The following TEKTIP1 variants were observed in gnomAD, a reference collection of about 807,000 sequenced individuals.
TEKTIP1 encodes the protein tektin bundle interacting protein 1.
At chr19:3,543,493 C>T in the TEKTIP1 span, 1 of 1,520,858 alleles carries the variant, frequency 6.6e-7, no homozygotes, top group South Asian at 1.2e-5. Flanking sequence ...CCCCCCCCCG[C>T]CCTGGGCAGC....
At chr19:3,543,881 C>A in the TEKTIP1 span, 1 of 1,550,494 alleles carries the variant, frequency 6.4e-7, no homozygotes, top group South Asian at 1.2e-5. Context: ...CATCAGACTA[C>A]GTGCCCTCCC....
At chr19:3,539,281 G>C in the TEKTIP1 span, 13 of 1,511,244 alleles carry the variant, frequency 8.6e-6, no homozygotes, top group African/African-American at 1.1e-4. Context: ...CCCTACAGGT[G>C]AGCCCCTCCC....
chr19:3,539,377 G>C, the TEKTIP1 span: 1 of 648,834 alleles, frequency 1.5e-6, no homozygotes, highest in African/African-American at 1.9e-5. Flanking sequence ...ATTCCTAAAA[G>C]GCTCATGTGT....
the TEKTIP1 span, chr19:3,539,299 C>T: frequency 1.7e-6 from 2 of 1,196,242 alleles, no homozygotes; most frequent in Non-Finnish European, 2.4e-6. Flanking sequence ...CCCAGCCCCT[C>T]CCTCCCTCCC....
the TEKTIP1 span, chr19:3,543,362 G>A: frequency 5.2e-6 from 8 of 1,549,268 alleles, no homozygotes; most frequent in Non-Finnish European, 7.0e-6. Context: ...GACCAACTCG[G>A]ACGCCTGGGA....
the TEKTIP1 span, chr19:3,541,642 T>A: frequency 2.8e-5 from 28 of 984,772 alleles, no homozygotes; most frequent in Non-Finnish European, 3.3e-5. Context: ...TTCTATTTTT[T>A]AAAAAAATGG....
the TEKTIP1 span, chr19:3,540,075 G>C: frequency 2.0e-5 from 3 of 148,160 alleles, no homozygotes; most frequent in African/African-American, 7.4e-5. Flanking sequence ...AACATAGTGA[G>C]ACCCATCTCT....
chr19:3,543,091 G>A, the TEKTIP1 span: 3 of 1,559,726 alleles, frequency 1.9e-6, no homozygotes, highest in South Asian at 1.2e-5. Flanking sequence ...GTACAGGGCT[G>A]AAGGACAGAC....
At chr19:3,543,647 T>G in the TEKTIP1 span, 2 of 1,543,704 alleles carry the variant, frequency 1.3e-6, no homozygotes, top group Admixed American at 2.0e-5. Context: ...GAGCGCGCTG[T>G]GGAAAGACAG....
chr19:3,543,428 C>A, the TEKTIP1 span: 1 of 1,546,822 alleles, frequency 6.5e-7, no homozygotes, highest in Non-Finnish European at 8.7e-7. Context: ...GGCCTACAAC[C>A]GCTGGCACAG....
the TEKTIP1 span, chr19:3,543,976 G>C: frequency 7.1e-6 from 11 of 1,548,622 alleles, no homozygotes; most frequent in Admixed American, 3.9e-5. Context: ...ACCTGCCAGC[G>C]GTCCCCGCCT....
the TEKTIP1 span, chr19:3,542,681 C>T: frequency 8.3e-7 from 1 of 1,205,530 alleles, no homozygotes. Context: ...TGGGGTTTTA[C>T]CATGCTGGCC....
chr19:3,539,193 C>T, the TEKTIP1 span: 1 of 1,550,384 alleles, frequency 6.5e-7, no homozygotes, highest in African/African-American at 1.4e-5. Flanking sequence ...AACCCTCAGG[C>T]AAGAGGCTGC....
chr19:3,543,580 C>G, the TEKTIP1 span: 16 of 1,542,748 alleles, frequency 1.0e-5, no homozygotes, highest in African/African-American at 4.1e-5. Context: ...TGCGGGAGAC[C>G]GCCTGGCATG....
the TEKTIP1 span, chr19:3,543,187 C>T: frequency 2.4e-5 from 36 of 1,527,552 alleles, no homozygotes; most frequent in Non-Finnish European, 3.0e-5. Flanking sequence ...GGGGTCAAAG[C>T]ACTCGCTGTA....
the TEKTIP1 span, chr19:3,543,583 C>G: frequency 1.2e-5 from 18 of 1,543,774 alleles, no homozygotes; most frequent in East Asian, 4.9e-5. Context: ...GGGAGACCGC[C>G]TGGCATGACC....
chr19:3,539,275 A>G, the TEKTIP1 span: 1 of 1,526,890 alleles, frequency 6.5e-7, no homozygotes, highest in South Asian at 1.2e-5. Flanking sequence ...GCCCCTCCCT[A>G]CAGGTGAGCC....
chr19:3,541,168 CAAAAAAA>C, the TEKTIP1 span, among the ~76,000 whole-genome samples: 3 of 87,186 alleles, frequency 3.4e-5, no homozygotes, highest in South Asian at 8.6e-4. Flanking sequence ...GACTCTGTCT[CAAAAAAA>C]AAAAAAAAAA....
At chr19:3,543,671 A>C in the TEKTIP1 span, 1 of 1,538,858 alleles carries the variant, frequency 6.5e-7, no homozygotes, top group African/African-American at 1.4e-5. Flanking sequence ...AATCCGGGGC[A>C]AGGAATACGG....
Sources: gnomAD v4.1 joint callset for allele counts (sites outside exome capture counted in the v4.1 genomes callset) on GRCh38, gnomAD v4.1.1 for gene constraint, MANE v1.5 for transcripts, NCBI Gene and HGNC (gene_info 2026-07-23, HGNC 2026-07-21) for gene names.